Variants in ZNF782 observed in about 807,000 individuals in gnomAD.
The protein encoded by ZNF782 is zinc finger protein 782.
Under a neutral mutation model 13.0 loss-of-function variants are expected in ZNF782, and 12 were observed. The ratio of observed to expected loss-of-function variants is 0.92; its 90% CI spans 0.59 to 1.50. The LOEUF is 1.50. ZNF782 is among the 40% of genes most tolerant of loss of function. The probability of loss-of-function intolerance (pLI) is 0.00; values close to 1 mark genes in which losing one functional copy is unlikely to be tolerated. For synonymous variants in ZNF782, 284 were observed against 283.0 expected (o/e 1.00, Z -0.04); for missense variants, 770 against 822.9 (o/e 0.94, Z 0.79).
the ZNF782 span, among the ~76,000 whole-genome samples, chr9:96,916,091 T>A: frequency 3.3e-5 from 5 of 151,946 alleles, no homozygotes; most frequent in African/African-American, 1.2e-4. Context: ...GTGACCTGCA[T>A]CATACTTGCA....
intron 3 of ZNF782, among the ~76,000 whole-genome samples, chr9:96,845,502 C>T (rs1405211024): frequency 1.3e-5 from 2 of 152,150 alleles, no homozygotes; most frequent in African/African-American, 2.4e-5. Context: ...CATGATCCGC[C>T]CACCTTGGCC....
chr9:96,932,480 G>GGACA, the ZNF782 span: 1 of 1,124,244 alleles, frequency 8.9e-7, no homozygotes, highest in Admixed American at 2.1e-5. Context: ...GCTGCTGGAT[G>GGACA]GACAGGAGGT....
chr9:96,906,950 C>A, the ZNF782 span, among the ~76,000 whole-genome samples: 2 of 151,682 alleles, frequency 1.3e-5, no homozygotes, highest in Non-Finnish European at 2.9e-5. Flanking sequence ...TTGGAGATTC[C>A]AAGGATCTTA....
At chr9:96,827,527 C>T (rs944781396) in intron 4 of ZNF782, among the ~76,000 whole-genome samples, 4 of 152,082 alleles carry the variant, frequency 2.6e-5, no homozygotes, top group East Asian at 1.9e-4. Flanking sequence ...AAGATAGAGT[C>T]GAATTCCTGG....
the ZNF782 span, among the ~76,000 whole-genome samples, chr9:96,932,792 A>G: frequency 6.6e-6 from 1 of 151,052 alleles, no homozygotes. Flanking sequence ...AGTTGGGATT[A>G]CAGGCATGTG....
upstream of ZNF782, among the ~76,000 whole-genome samples, chr9:96,880,316 T>C (rs536394742): frequency 6.2e-4 from 94 of 152,334 alleles, no homozygotes; most frequent in African/African-American, 1.9e-3. Flanking sequence ...CCCAGTACTA[T>C]GTTGAATAGC....
At chr9:96,871,011 G>T (rs1412990242) in intron 1 of ZNF782, among the ~76,000 whole-genome samples, 1 of 152,020 alleles carries the variant, frequency 6.6e-6, no homozygotes, top group Non-Finnish European at 1.5e-5. Flanking sequence ...CTTTTATTAG[G>T]GTCTGTGGTG....
the ZNF782 span, chr9:96,891,354 G>A: frequency 6.6e-6 from 1 of 152,050 alleles, no homozygotes; most frequent in African/African-American, 2.4e-5. Flanking sequence ...AAATACTTTA[G>A]CATGCGTATA....
At chr9:96,827,539 C>T (rs1850666343) in intron 4 of ZNF782, among the ~76,000 whole-genome samples, 1 of 152,060 alleles carries the variant, frequency 6.6e-6, no homozygotes, top group South Asian at 2.1e-4. Context: ...AATTCCTGGC[C>T]TCAAGCAATC....
chr9:96,887,332 A>AGGGAGGGAGGGAGGGAG, the ZNF782 span: 1 of 151,318 alleles, frequency 6.6e-6, no homozygotes, highest in African/African-American at 2.5e-5. Flanking sequence ...GAAGGAAGGA[A>AGGGAGGGAGGGAGGGAG]GGAAGGAAGA....
At chr9:96,919,860 T>C in the ZNF782 span, among the ~76,000 whole-genome samples, 2 of 151,166 alleles carry the variant, frequency 1.3e-5, no homozygotes, top group African/African-American at 4.8e-5. Context: ...ACACCCAGCC[T>C]CAAATGAGTA....
the ZNF782 span, among the ~76,000 whole-genome samples, chr9:96,897,107 G>A: frequency 1.4e-4 from 21 of 152,230 alleles, no homozygotes; most frequent in Non-Finnish European, 2.6e-4. Context: ...TTGGTCCTCT[G>A]TATCCTCTGT....
At chr9:96,841,711 C>T (rs937357617) in intron 4 of ZNF782, among the ~76,000 whole-genome samples, 5 of 151,828 alleles carry the variant, frequency 3.3e-5, no homozygotes, top group South Asian at 4.1e-4. Flanking sequence ...ACTAGGAATA[C>T]AGAAGAAGTT....
At chr9:96,923,332 G>C in the ZNF782 span, among the ~76,000 whole-genome samples, 1 of 150,182 alleles carries the variant, frequency 6.7e-6, no homozygotes, top group Non-Finnish European at 1.5e-5. Context: ...ACCTCTAAAT[G>C]CTCACACAGA....
At chr9:96,854,900 A>AT (rs1851618528), upstream of ZNF782, among the ~76,000 whole-genome samples, 1 of 149,952 alleles carries the variant, frequency 6.7e-6, no homozygotes, top group Non-Finnish European at 1.5e-5. Flanking sequence ...AAAATTAAGA[A>AT]TTTTGTAGAA....
chr9:96,921,306 G>A, the ZNF782 span, among the ~76,000 whole-genome samples: 7 of 147,438 alleles, frequency 4.7e-5, no homozygotes, highest in Admixed American at 6.8e-5. Flanking sequence ...AGGCTGAGGC[G>A]GGCAGATCAC....
the ZNF782 span, among the ~76,000 whole-genome samples, chr9:96,912,473 G>A: frequency 4.0e-5 from 6 of 149,344 alleles, no homozygotes; most frequent in South Asian, 6.4e-4. Flanking sequence ...CAGCCCGGGC[G>A]ACAGAGTGAG....
rs183973309 is a variant in ZNF782, at chr9:96,850,278, T to A, written c.15+1669A>T. On this transcript the variant is annotated intron_variant, in intron 3 of 5. Transcript: ENST00000481138. This position sits in a 1 kb window ranked among gnomAD's most constrained non-coding sequence, Gnocchi z 4.3. ...CCTAAGTGCCCATGAACTGAGTGGATAAAGAAAATGTGGTACCTATACACC... is the reference window on the plus strand; with the variant it reads ...CCTAAGTGCCCATGAACTGAGTGGAAAAAGAAAATGTGGTACCTATACACC... Among the ~76,000 whole-genome samples, 344 of 152,262 alleles carry A rather than the reference T, an allele frequency of 2.3e-3. 3 individuals carry two copies. Among genetic ancestry groups the A allele is most frequent in the African/African-American group, 7.8e-3 (324 of 41,560 alleles).
chr9:96,929,100 C>T, the ZNF782 span: 2 of 1,609,976 alleles, frequency 1.2e-6, no homozygotes, highest in South Asian at 1.1e-5. Context: ...CTTGGGAATT[C>T]AAATTTGAAC....
Sources: gnomAD v4.1 joint callset for allele counts (sites outside exome capture counted in the v4.1 genomes callset) on GRCh38, gnomAD v4.1.1 for gene constraint, Gnocchi (gnomAD v3.1) non-coding constraint, MANE v1.5 for transcripts, NCBI Gene and HGNC (gene_info 2026-07-23, HGNC 2026-07-21) for gene names.